BRD2: variants seen among roughly 807,000 people sequenced by gnomAD.
BRD2 encodes bromodomain-containing protein 2.
BRD2 carries 15 observed loss-of-function variants against 79.1 expected under a neutral mutation model. The observed-to-expected ratio is 0.19, with a 90% CI of 0.13 to 0.29. The LOEUF (loss-of-function observed/expected upper bound fraction) is 0.29. BRD2 is among the 10% of genes least tolerant of loss of function. The pLI is 1.00. For missense variants in BRD2, 1,053 were observed against 991.3 expected, an observed-to-expected ratio of 1.06 and a Z score of -0.84; for synonymous variants, 488 against 358.6, an observed-to-expected ratio of 1.36 and a Z score of -4.08.
chr6:32,973,876 A>G (rs978001306), intron 2 of BRD2, among the ~76,000 whole-genome samples: 4 of 152,018 alleles, frequency 2.6e-5, no homozygotes, highest in African/African-American at 9.7e-5. Flanking sequence ...TTTGTTTTTA[A>G]GTTGATATGG....
At chr6:32,980,500 C>G (rs1307045231) in intron 12 of BRD2, 36 bp downstream of exon 12, 7 of 1,612,474 alleles carry the variant, frequency 4.3e-6, no homozygotes, top group Middle Eastern at 1.6e-4. Context: ...CAGATTGACT[C>G]CATCCTGCCT....
rs572087340 is a variant in BRD2, at chr6:32,975,536, G to A, written c.471+15G>A. 2.8e-5 allele frequency: 45 copies of A among 1,611,204 alleles called. No homozygotes were observed. The East Asian group carries it at 7.1e-4, about 26-fold the overall frequency. ...TTTACAACAAGGTGAGTTTTTCTGT[G>A]TGTTCATTTAGTAGGTGGGGAGAAA... On this transcript the variant is annotated intron_variant, in intron 4 of 12. Transcript: ENST00000374825.
chr6:32,977,939 A>G lies in BRD2; in HGVS notation c.1512A>G (p.Glu504=), dbSNP rs148048133. The G allele has an allele frequency of 5.5e-5, 88 of 1,612,832 alleles. No homozygotes were observed. The African/African-American group carries it at 9.7e-4, about 18-fold the overall frequency. The change falls in exon 9 of 13, where the codon GAA becomes GAG. Residue 504 remains glutamate, a synonymous_variant. Coordinates refer to ENST00000374825, the MANE Select transcript of BRD2 (RefSeq NM_005104.4). ...EEEEDEEDEE[E]EESESSDSEE... is the part of the protein sequence containing the mutation. ...AGGAAGATGAGGAGGACGAGGAGGA[A>G]GAAGAGAGTGAAAGCTCAGACTCAG...
rs1279235897 is a variant in BRD2 at position 32,977,556 on chromosome 6, G to A, written c.1315G>A (p.Ala439Thr). The change falls in exon 8 of 13, where the codon GCA becomes ACA. Residue 439 changes from alanine (A) to threonine (T), a missense_variant. Ala to Thr is a moderately conservative substitution (Grantham distance 58). Transcript: ENST00000374825. ...NPPDHDVVAM[A>T]RKLQDVFEFR... is the part of the protein sequence containing the mutation. ...CCCAGATCACGATGTTGTGGCAATG[G>A]CACGAAAGCTACAGGTGAGTGGAAA... The A allele has an allele frequency of 6.2e-7, 1 of 1,613,842 alleles. No individual in the cohort carries two copies. The highest frequency in any genetic ancestry group is 8.5e-7 in the Non-Finnish European group (1 of 1,180,032).
intron 8 of BRD2, 52 bp from the exon 9 acceptor site, chr6:32,977,705 G>A: frequency 7.5e-6 from 12 of 1,609,038 alleles, no homozygotes; most frequent in Non-Finnish European, 1.0e-5. Flanking sequence ...TGGTGGCTGG[G>A]TATGTAGGGC....
intron 2 of BRD2, chr6:32,973,137 A>G (rs1322488909): frequency 6.5e-6 from 10 of 1,549,710 alleles, no homozygotes; most frequent in Non-Finnish European, 8.7e-6. Context: ...CAGGTTGTCA[A>G]TTTATACGCT....
intron 7 of BRD2, 167 bp from the exon 8 acceptor site, chr6:32,977,275 C>T: frequency 1.3e-6 from 2 of 1,568,736 alleles, no homozygotes; most frequent in Non-Finnish European, 1.7e-6. Flanking sequence ...AATATTTCTT[C>T]AACCCACCCA....
Position 32,969,063 on chromosome 6 carries a change from AGGG to A in BRD2, c.-1305+9_-1305+11del. 2.1e-6 allele frequency: 1 copy of A among 465,276 alleles called. No homozygotes were observed. Among genetic ancestry groups the A allele is most frequent in the Non-Finnish European group, 3.9e-6 (1 of 255,138 alleles). 28.8% of individuals were successfully genotyped at this position (465,276 alleles called of 1,614,324 possible). A position where few individuals can be genotyped will look rare whatever the true frequency, so the allele number is the denominator to read the frequency against. On this transcript the variant is annotated splice_region_variant and intron_variant, in intron 1 of 12. Transcript: ENST00000374825. The stretch of plus-strand genomic sequence containing the variant: ...GGAAGGCTTTAGGATCCAGGTGAGA[AGGG>A]GCCCTTGTGGGGCGGAGATGTCAGT...
chr6:32,977,722 T>G (rs199792682), intron 8 of BRD2, 35 bp from the exon 9 acceptor site: 9 of 1,611,884 alleles, frequency 5.6e-6, no homozygotes, highest in South Asian at 1.1e-5. Context: ...GGGCACTGTT[T>G]ATCAGCATAG....
intron 3 of BRD2, chr6:32,975,077 T>G: frequency 6.6e-7 from 1 of 1,512,444 alleles, no homozygotes; most frequent in Non-Finnish European, 8.8e-7. Context: ...GCTTCTTCCT[T>G]TCCCTCATGC....
intron 2 of BRD2, among the ~76,000 whole-genome samples, chr6:32,973,686 C>G (rs752546441): frequency 7.2e-5 from 11 of 152,036 alleles, no homozygotes; most frequent in Non-Finnish European, 1.6e-4. Flanking sequence ...ACAGGGGGAA[C>G]TGGTAGTGGA....
chr6:32,975,286 GTGTGTGT>G (rs904424522), intron 3 of BRD2, 91 bp from the exon 4 acceptor site: 1 of 874,540 alleles, frequency 1.1e-6, no homozygotes, highest in African/African-American at 1.9e-5. Flanking sequence ...CATAGGGGGG[GTGTGTGT>G]GTGTGTGTGT....
intron 10 of BRD2, 144 bp downstream of exon 10, chr6:32,978,532 A>G (rs1779082696): frequency 4.3e-6 from 6 of 1,381,914 alleles, no homozygotes; most frequent in East Asian, 2.3e-5. Flanking sequence ...TTTTGGCACC[A>G]GGGACCAGTT....
chr6:32,973,488 T>C (rs1316114610), intron 2 of BRD2, among the ~76,000 whole-genome samples: 1 of 152,158 alleles, frequency 6.6e-6, no homozygotes, highest in East Asian at 1.9e-4. Flanking sequence ...GATTGTTTTT[T>C]CCTAACATTA....
chr6:32,976,637 A>T lies in BRD2; in HGVS notation c.901A>T (p.Ser301Cys). 6.2e-7 allele frequency: 1 copy of T among 1,612,264 alleles called. No individual in the cohort carries two copies. The highest frequency in any genetic ancestry group is 8.5e-7 in the Non-Finnish European group (1 of 1,179,836). ...TAILAPGSPA[S>C]PPGSLEPKAA... is the part of the protein sequence containing the mutation. ...CATCTTGGCTCCTGGTTCTCCAGCT[A>T]GCCCTCCTGGGAGTCTTGAGCCTAA... The change falls in exon 7 of 13, where the codon AGC becomes TGC. Residue 301 changes from serine (S) to cysteine (C), a missense_variant. Physicochemically the swap from Ser to Cys is moderately radical, Grantham distance 112. This residue lies in a region of BRD2 where 454 missense variants were observed against 430.5 expected (regional missense o/e 1.05). Coordinates refer to ENST00000374825, the MANE Select transcript of BRD2 (RefSeq NM_005104.4).
chr6:32,979,366 C>T (rs1021010924), intron 10 of BRD2, among the ~76,000 whole-genome samples: 4 of 152,172 alleles, frequency 2.6e-5, no homozygotes, highest in African/African-American at 9.7e-5. Flanking sequence ...ATCTGAGCCA[C>T]TGCAGCTGGC....
intron 4 of BRD2, among the ~76,000 whole-genome samples, chr6:32,975,729 C>T (rs1445045264): frequency 6.6e-6 from 1 of 152,176 alleles, no homozygotes; most frequent in African/African-American, 2.4e-5. Context: ...TTATTTAGAA[C>T]ACTTCATACT....
rs1479462345 is a variant in BRD2, at chr6:32,977,477, G to C, written c.1236G>C (p.Gln412His). 1 of 1,613,932 alleles carries C rather than the reference G, an allele frequency of 6.2e-7. No individual in the cohort carries two copies. The highest frequency in any genetic ancestry group is 8.5e-7 in the Non-Finnish European group (1 of 1,180,050). The change falls in exon 8 of 13, where the codon CAG becomes CAC. Residue 412 changes from glutamine (Q) to histidine (H), a missense_variant. This residue lies in a region of BRD2 where 454 missense variants were observed against 430.5 expected (regional missense o/e 1.05). Transcript: ENST00000374825. ...AGAACCGTGATTACCGGGATGCACA[G>C]GAGTTTGCTGCTGATGTACGGCTTA... The part of the protein sequence containing the change: ...KMENRDYRDA[Q>H]EFAADVRLMF...
chr6:32,972,547 A>C lies in BRD2; in HGVS notation c.-352A>C. On this transcript the variant is annotated 5_prime_UTR_variant, in exon 2 of 13. Transcript: ENST00000374825. The stretch of plus-strand genomic sequence containing the variant: ...ACCTCGTCGGCCCCGTAGGGGCCCG[A>C]CAAGAAGAGGGAATCCCTGCAGACC... 1 of 389,862 alleles carries C rather than the reference A, an allele frequency of 2.6e-6. No homozygotes were observed. The allele number at this position is 389,862 out of a possible 1,614,324, so 24.2% of individuals were successfully genotyped here. A position where few individuals can be genotyped will look rare whatever the true frequency, so the allele number is the denominator to read the frequency against.
Sources: gnomAD v4.1 joint callset for allele counts (sites outside exome capture counted in the v4.1 genomes callset) on GRCh38, gnomAD v4.1.1 for gene constraint, gnomAD v4.1.1 regional missense constraint, MANE v1.5 for transcripts, NCBI Gene and HGNC (gene_info 2026-07-23, HGNC 2026-07-21) for gene names.